GLT8D2: variants seen among roughly 807,000 people sequenced by gnomAD.
GLT8D2 encodes the protein glycosyltransferase 8 domain-containing protein 2.
GLT8D2 carries 45 observed loss-of-function variants against 44.5 expected under a neutral mutation model. That is an observed-to-expected ratio of 1.01 (90% CI 0.80 to 1.30). The LOEUF (loss-of-function observed/expected upper bound fraction) is 1.30, where lower values mean the gene tolerates loss of function less well. Among genes scored for constraint, GLT8D2 ranks in the 50% most tolerant of loss-of-function variants. GLT8D2 has a pLI of 0.00. For missense variants in GLT8D2, 400 were observed against 430.4 expected, an observed-to-expected ratio of 0.93 and a Z score of 0.62; for synonymous variants, 156 against 157.2, an observed-to-expected ratio of 0.99 and a Z score of 0.06.
intron 1 of GLT8D2, among the ~76,000 whole-genome samples, chr12:104,056,297 G>T (rs576922749): frequency 1.3e-5 from 2 of 152,268 alleles, no homozygotes; most frequent in East Asian, 3.9e-4. Context: ...ATCGAGTTCT[G>T]CCCACTTGCT....
At chr12:103,990,606 C>T (rs537628617) in intron 10 of GLT8D2, among the ~76,000 whole-genome samples, 2 of 152,214 alleles carry the variant, frequency 1.3e-5, no homozygotes, top group East Asian at 3.9e-4. Flanking sequence ...CATTGAATTA[C>T]GAGAGGGTTG....
chr12:104,035,414 A>G lies in GLT8D2; in HGVS notation c.-163-13923T>C, dbSNP rs1188283194. On this transcript the variant is annotated intron_variant, in intron 1 of 10. Coordinates refer to ENST00000360814, the MANE Select transcript of GLT8D2 (RefSeq NM_001384711.1). ...TGAACCCATTATAAGGAAGCTAAAA[A>G]CCTTGAAAAAAGATTATACAAATGG... is the stretch of plus-strand genomic sequence containing the variant. 2.6e-5 allele frequency among the ~76,000 whole-genome samples: 4 copies of G among 152,194 alleles called. No individual in the cohort carries two copies. The East Asian group carries it at 7.7e-4, about 29-fold the overall frequency.
intron 1 of GLT8D2, among the ~76,000 whole-genome samples, chr12:104,040,944 T>C (rs1040955112): frequency 1.3e-5 from 2 of 152,142 alleles, no homozygotes; most frequent in African/African-American, 2.4e-5. Flanking sequence ...GATTTTGCTA[T>C]TAGAATGTAA....
chr12:103,997,189 G>A (rs755261731), intron 7 of GLT8D2, among the ~76,000 whole-genome samples: 13 of 152,084 alleles, frequency 8.5e-5, no homozygotes, highest in South Asian at 2.1e-4. Flanking sequence ...CTTTATTTCC[G>A]TACATTATAG....
intron 10 of GLT8D2, 81 bp downstream of exon 10, chr12:103,993,311 G>T: frequency 9.2e-7 from 1 of 1,084,366 alleles, no homozygotes; most frequent in Non-Finnish European, 1.4e-6. Flanking sequence ...AGCCTGGGCA[G>T]CAGAGCGAGA....
At chr12:104,037,093 T>A (rs1387265002) in intron 1 of GLT8D2, among the ~76,000 whole-genome samples, 1 of 152,058 alleles carries the variant, frequency 6.6e-6, no homozygotes, top group African/African-American at 2.4e-5. Context: ...AAGGCAGAAA[T>A]AAAGATGTTC....
At chr12:104,026,487 T>A (rs1286782410) in intron 1 of GLT8D2, among the ~76,000 whole-genome samples, 1 of 152,172 alleles carries the variant, frequency 6.6e-6, no homozygotes, top group Non-Finnish European at 1.5e-5. Context: ...AATATACCTG[T>A]TAAGACTTTG....
intron 4 of GLT8D2, among the ~76,000 whole-genome samples, chr12:104,006,227 TG>T (rs1302639581): frequency 5.4e-5 from 4 of 74,640 alleles, no homozygotes; most frequent in African/African-American, 2.1e-4. Flanking sequence ...ATACCAGGTG[TG>T]GGGTGGGGGG....
chr12:104,015,077 G>A lies in GLT8D2; in HGVS notation c.48C>T (p.Ile16=), dbSNP rs780874653. The change falls in exon 4 of 11, where the codon ATC becomes ATT. Residue 16 remains isoleucine, a synonymous_variant. Transcript: ENST00000360814. ...KINQVLLFLL[I]VTLCVILYKK... is the part of the protein sequence containing the mutation. ...TATACAGAATCACACAGAGGGTCAC[G>A]ATCAGAAGGAACAGCAGCACCTGAT... 16 of 1,613,476 alleles carry A rather than the reference G, an allele frequency of 9.9e-6. No individual in the cohort carries two copies. Among genetic ancestry groups the A allele is most frequent in the African/African-American group, 2.7e-5 (2 of 74,884 alleles).
intron 2 of GLT8D2, 23 bp from the exon 3 acceptor site, chr12:104,019,699 T>G: frequency 1.3e-6 from 2 of 1,545,056 alleles, no homozygotes; most frequent in Non-Finnish European, 1.8e-6. Flanking sequence ...GGAAAAAAAA[T>G]CTGTTTAAAG....
intron 1 of GLT8D2, among the ~76,000 whole-genome samples, chr12:104,063,397 T>C (rs1882854165): frequency 6.6e-6 from 1 of 152,162 alleles, no homozygotes; most frequent in Non-Finnish European, 1.5e-5. Flanking sequence ...AAGTGTTGCA[T>C]TGGCTGGGTG....
chr12:104,010,632 T>C (rs912742600), intron 4 of GLT8D2, among the ~76,000 whole-genome samples: 1 of 152,220 alleles, frequency 6.6e-6, no homozygotes, highest in Non-Finnish European at 1.5e-5. Context: ...GCCTGGCACA[T>C]AGTAGATTTT....
intron 1 of GLT8D2, among the ~76,000 whole-genome samples, chr12:104,058,861 G>A (rs1882397544): frequency 1.3e-5 from 2 of 152,064 alleles, no homozygotes; most frequent in South Asian, 4.1e-4. Context: ...TACCCAAGGG[G>A]GATACATTCA....
At chr12:104,028,298 G>C (rs1024084456) in intron 1 of GLT8D2, among the ~76,000 whole-genome samples, 68 of 150,224 alleles carry the variant, frequency 4.5e-4, no homozygotes, top group Non-Finnish European at 7.2e-4. Context: ...GTGCATGTGC[G>C]TGTGTGTGTG....
chr12:104,005,836 G>A lies in GLT8D2; in HGVS notation c.113-2530C>T, dbSNP rs1404014735. ...GGAAGACAGTGTGGTGATTCCTCAA[G>A]GATCTAGAACTAGAAATACCATTTG... On this transcript the variant is annotated intron_variant, in intron 4 of 10. Coordinates refer to ENST00000360814, the MANE Select transcript of GLT8D2 (RefSeq NM_001384711.1). Among the ~76,000 whole-genome samples, 3 of 152,268 alleles carry A rather than the reference G, an allele frequency of 2.0e-5. No individual in the cohort carries two copies. In the East Asian group the frequency reaches 5.8e-4, roughly 29 times the overall value.
At chr12:104,053,242 C>A (rs1327176571), upstream of GLT8D2, among the ~76,000 whole-genome samples, 1 of 152,196 alleles carries the variant, frequency 6.6e-6, no homozygotes, top group Non-Finnish European at 1.5e-5. Flanking sequence ...TGTTATAGAT[C>A]TTCTCCCTGA....
intron 4 of GLT8D2, among the ~76,000 whole-genome samples, chr12:104,013,312 T>C: frequency 6.6e-6 from 1 of 152,220 alleles, no homozygotes; most frequent in South Asian, 2.1e-4. Context: ...ATATGGTCTT[T>C]CAGGTCTGAC....
In GLT8D2 at chr12:103,990,439, C is replaced by T. The variant is rs935083013; in HGVS notation, c.881-862G>A. ...GACTTCGAGAGACTATGCATTTACC[C>T]TAACAGTGCCATTGCTTAGAATACT... On this transcript the variant is annotated intron_variant, in intron 10 of 10. Transcript: ENST00000360814. Among the ~76,000 whole-genome samples the T allele has an allele frequency of 7.9e-5, 12 of 152,112 alleles. 1 individual carries two copies. Among genetic ancestry groups the T allele is most frequent in the Non-Finnish European group, 1.6e-4 (11 of 68,026 alleles).
At chr12:104,014,944 G>T in intron 4 of GLT8D2, 69 bp downstream of exon 4, 4 of 1,079,894 alleles carry the variant, frequency 3.7e-6, no homozygotes, top group East Asian at 2.4e-5. Context: ...GCTATTGAAA[G>T]GACCTAGAGG....
Sources: gnomAD v4.1 joint callset for allele counts (sites outside exome capture counted in the v4.1 genomes callset) on GRCh38, gnomAD v4.1.1 for gene constraint, MANE v1.5 for transcripts, NCBI Gene and HGNC (gene_info 2026-07-23, HGNC 2026-07-21) for gene names.